CLIP3: variants seen among roughly 807,000 people sequenced by gnomAD.
CLIP3 encodes the protein CAP-Gly domain-containing linker protein 3.
In CLIP3, 15 loss-of-function variants were observed where a neutral mutation model predicts 59.4. The observed-to-expected ratio is 0.25, with a 90% CI of 0.17 to 0.39. The LOEUF is 0.39. Among genes scored for constraint, CLIP3 ranks in the 10% least tolerant of loss-of-function variants. The pLI, the probability that CLIP3 is intolerant of heterozygous loss-of-function variation, is 1.00. For missense variants in CLIP3, 495 were observed against 765.7 expected (o/e 0.65, Z 4.17); for synonymous variants, 300 against 321.6 (o/e 0.93, Z 0.72).
rs1413688171 is a variant in CLIP3, at chr19:36,017,439, G to C, written c.1463C>G (p.Ser488Cys). The change falls in exon 12 of 14, where the codon TCC (serine) becomes TGC (cysteine). Residue 488 changes from serine (S) to cysteine (C), a missense_variant. Physicochemically the swap from Ser to Cys is moderately radical, Grantham distance 112. Around this residue, in one of 5 missense-constraint regions of CLIP3, gnomAD observed 179 missense variants for 226.2 expected, o/e 0.79. Coordinates refer to ENST00000360535, the MANE Select transcript of CLIP3 (RefSeq NM_015526.3). ...PASRIQRIGG[S>C]TDSPGDSVGA... ...AACGCTGTCCCCGGGGGAATCAGTGGATCCGCCAATCCTGAGGAGACACGG... is the reference window on the plus strand; with the variant it reads ...AACGCTGTCCCCGGGGGAATCAGTGCATCCGCCAATCCTGAGGAGACACGG... 6.2e-7 allele frequency: 1 copy of C among 1,613,958 alleles called. No homozygotes were observed. Among genetic ancestry groups the C allele is most frequent in the African/African-American group, 1.3e-5 (1 of 74,898 alleles).
At chr19:36,022,857 C>T (rs1290040217) in intron 7 of CLIP3, among the ~76,000 whole-genome samples, 1 of 152,134 alleles carries the variant, frequency 6.6e-6, no homozygotes, top group African/African-American at 2.4e-5. Context: ...AGATCAAGAC[C>T]ATCCTGGCTA....
chr19:36,017,237 C>A, intron 12 of CLIP3, 149 bp downstream of exon 12: 1 of 865,090 alleles, frequency 1.2e-6, no homozygotes. Flanking sequence ...TAGCACCTAT[C>A]TTTTTGTGGA....
In CLIP3 at chr19:36,026,141, C is replaced by T. The variant is rs1969099705; in HGVS notation, c.681+6G>A. On this transcript the variant is annotated splice_donor_region_variant and intron_variant, in intron 6 of 13. Transcript: ENST00000360535. The surrounding 1 kb of genome is among the most constrained non-coding windows in gnomAD (Gnocchi z 6.3). ...GGTAACGGGTTCTGGGCAAGGGTGG[C>T]AGTACCCTCAGCGCAGGGTTGGCGC... 7 of 1,607,476 alleles carry T rather than the reference C, an allele frequency of 4.4e-6. No homozygotes were observed. The highest frequency in any genetic ancestry group is 8.5e-7 in the Non-Finnish European group (1 of 1,174,616).
At position 36,024,465 on chromosome 19, in the gene CLIP3, G is replaced by C. The variant is rs199702185; in HGVS notation, c.849C>G (p.Val283=). The C allele has an allele frequency of 4.3e-6, 7 of 1,614,248 alleles. No homozygotes were observed. The highest frequency in any genetic ancestry group is 5.9e-6 in the Non-Finnish European group (7 of 1,180,048). Residue 283 remains valine (V), a synonymous_variant, in exon 7 of 14, where the codon GTC becomes GTG. Coordinates refer to ENST00000360535, the MANE Select transcript of CLIP3 (RefSeq NM_015526.3). The part of the protein sequence containing the change: ...PKVTLPNYDN[V]PGNLMLSALG... ...GTGCGCTAAGCATGAGATTGCCTGG[G>C]ACGTTGTCATAGTTGGGTAGCGTGA...
chr19:36,019,603 A>ATTTATTTTT (rs1968901032), intron 7 of CLIP3, among the ~76,000 whole-genome samples: 1 of 122,482 alleles, frequency 8.2e-6, no homozygotes, highest in Admixed American at 9.9e-5. Context: ...TATTTATTTT[A>ATTTATTTTT]TTTATTTTTT....
Position 36,017,489 on chromosome 19 carries a change from A to G in CLIP3, c.1452-39T>C, listed in dbSNP as rs377281362. The stretch of plus-strand genomic sequence containing the variant: ...GGGAGGGGGAGAAGTCAGAGCCACA[A>G]AAGGCCAGGGTCTGACTGAGAGCTG... On this transcript the variant is annotated intron_variant, in intron 11 of 13. Coordinates refer to ENST00000360535, the MANE Select transcript of CLIP3 (RefSeq NM_015526.3). 4.9e-5 allele frequency: 79 copies of G among 1,612,164 alleles called. 1 individual carries two copies. The highest frequency in any genetic ancestry group is 2.1e-4 in the South Asian group (19 of 91,030).
Position 36,024,404 on chromosome 19 carries a change from C to T in CLIP3, c.910G>A (p.Gly304Ser). ...ACATCCCAGCCCCTGACCTTCTGGC[C>T]ATCCAGCAGCACGCGGTCTCCCAGG... ...LRLGDRVLLD[G>S]QKTGTLRFCG... The change falls in exon 7 of 14, where the codon GGC (glycine) becomes AGC (serine). Residue 304 changes from glycine to serine, a missense_variant. Transcript: ENST00000360535. 6.2e-7 allele frequency: 1 copy of T among 1,613,598 alleles called. No homozygotes were observed. Among genetic ancestry groups the T allele is most frequent in the Non-Finnish European group, 8.5e-7 (1 of 1,179,930 alleles).
intron 6 of CLIP3, among the ~76,000 whole-genome samples, chr19:36,025,167 G>T (rs1969067509): frequency 6.6e-6 from 1 of 152,112 alleles, no homozygotes; most frequent in Non-Finnish European, 1.5e-5. Context: ...AAGTAATTGA[G>T]GGTGGGCCTG....
chr19:36,023,923 C>T (rs1382234766), intron 7 of CLIP3, among the ~76,000 whole-genome samples: 1 of 152,184 alleles, frequency 6.6e-6, no homozygotes, highest in Non-Finnish European at 1.5e-5. Flanking sequence ...ACCCGCTCCC[C>T]CAAGCTGAGA....
In CLIP3 at chr19:36,026,533, C is replaced by G. The variant is rs1418539462; in HGVS notation, c.562+53G>C. 6.2e-6 allele frequency: 10 copies of G among 1,602,258 alleles called. No homozygotes were observed. The Admixed American group carries it at 1.7e-4, about 27-fold the overall frequency. On this transcript the variant is annotated intron_variant, in intron 5 of 13. Transcript: ENST00000360535. This position sits in a 1 kb window ranked among gnomAD's most constrained non-coding sequence, Gnocchi z 6.3. ...CGCAGCCTGGCCTCACCTGGGTCTC[C>G]GCGTCCCTCACCCAGGTCCTTGCCC...
chr19:36,025,045 G>A (rs1252238597), intron 6 of CLIP3, among the ~76,000 whole-genome samples: 1 of 150,788 alleles, frequency 6.6e-6, no homozygotes, highest in Non-Finnish European at 1.5e-5. Flanking sequence ...CAGCCTGGGT[G>A]ACAGAGCGAG....
Position 36,016,152 on chromosome 19 carries a change from G to C in CLIP3, c.*6C>G. ...ACTCTGTCTCTTTGTCAGGTGTCCA[G>C]GGCCTCTAAGACTGCATCTCCGCCC... On this transcript the variant is annotated 3_prime_UTR_variant, in exon 14 of 14. Coordinates refer to ENST00000360535, the MANE Select transcript of CLIP3 (RefSeq NM_015526.3). The surrounding 1 kb of genome is among the most constrained non-coding windows in gnomAD (Gnocchi z 4.1). The C allele has an allele frequency of 1.2e-6, 2 of 1,613,942 alleles. No homozygotes were observed. The highest frequency in any genetic ancestry group is 1.7e-6 in the Non-Finnish European group (2 of 1,179,900).
intron 6 of CLIP3, among the ~76,000 whole-genome samples, chr19:36,025,775 T>C (rs1036030049): frequency 6.6e-6 from 1 of 152,256 alleles, no homozygotes; most frequent in East Asian, 1.9e-4. Flanking sequence ...AGCCTGGTAA[T>C]GCATAGGTCA....
In CLIP3 at chr19:36,015,876, G is replaced by A; in HGVS notation, c.*282C>T. The A allele has an allele frequency of 1.9e-6, 1 of 514,830 alleles. No homozygotes were observed. The highest frequency in any genetic ancestry group is 3.5e-6 in the Non-Finnish European group (1 of 282,956). The allele number at this position is 514,830 out of a possible 1,614,324, so 31.9% of individuals were successfully genotyped here. ...GGGTCACCATCATTTGGGGTGATATGGAAATCTGTTAATCTGGGAATCTGC... is the reference window on the plus strand; with the variant it reads ...GGGTCACCATCATTTGGGGTGATATAGAAATCTGTTAATCTGGGAATCTGC... On this transcript the variant is annotated 3_prime_UTR_variant, in exon 14 of 14. Transcript: ENST00000360535.
chr19:36,032,254 TG>T lies in CLIP3; in HGVS notation c.103del (p.Gln35ArgfsTer62). 7.7e-7 allele frequency: 1 copy of T among 1,296,942 alleles called. No individual in the cohort carries two copies. Among genetic ancestry groups the T allele is most frequent in the Non-Finnish European group, 9.9e-7 (1 of 1,011,472 alleles). The allele number at this position is 1,296,942 out of a possible 1,614,324, so 80.3% of individuals were successfully genotyped here. A position where few individuals can be genotyped will look rare whatever the true frequency, so the allele number is the denominator to read the frequency against. ...CACAACAGGCTTCTGCCGGCGCTCCTGGGTGGGGCTGGGGGCCTCGGGGACG... is the reference window on the plus strand; with the variant it reads ...CACAACAGGCTTCTGCCGGCGCTCCTGGTGGGGCTGGGGGCCTCGGGGACG... ...EPVPEAPSPTQERRQKPVVHP... is the reference protein window; with the variant it reads ...EPVPEAPSPTXERRQKPVVHP... On this transcript the variant is annotated frameshift_variant, in exon 2 of 14. Coordinates refer to ENST00000360535, the MANE Select transcript of CLIP3 (RefSeq NM_015526.3). LOFTEE classifies it high-confidence loss of function. The surrounding 1 kb of genome is among the most constrained non-coding windows in gnomAD (Gnocchi z 4.3).
chr19:36,024,190 C>A (rs542635066), intron 7 of CLIP3, among the ~76,000 whole-genome samples: 1 of 152,188 alleles, frequency 6.6e-6, no homozygotes, highest in African/African-American at 2.4e-5. Context: ...TTGTTTCCCA[C>A]CCTGGATGGA....
chr19:36,016,022 T>C lies in CLIP3; in HGVS notation c.*136A>G, dbSNP rs1968787377. On this transcript the variant is annotated 3_prime_UTR_variant, in exon 14 of 14. Coordinates refer to ENST00000360535, the MANE Select transcript of CLIP3 (RefSeq NM_015526.3). This position sits in a 1 kb window ranked among gnomAD's most constrained non-coding sequence, Gnocchi z 4.1. Reference sequence around the variant, plus strand: ...GTATCTGTTAATAATGGGGCCTCAATGATCGAGGGCTGGCTAACAGGGGTC... The same window carrying C: ...GTATCTGTTAATAATGGGGCCTCAACGATCGAGGGCTGGCTAACAGGGGTC... 2 of 847,832 alleles carry C rather than the reference T, an allele frequency of 2.4e-6. No homozygotes were observed. The highest frequency in any genetic ancestry group is 3.9e-6 in the Non-Finnish European group (2 of 511,136). 52.5% of individuals were successfully genotyped at this position (847,832 alleles called of 1,614,324 possible).
chr19:36,027,084 T>C (rs1247565181), intron 3 of CLIP3, 39 bp from the exon 4 acceptor site: 113 of 1,596,258 alleles, frequency 7.1e-5, no homozygotes, highest in Non-Finnish European at 9.5e-5. Context: ...CACCCACACA[T>C]GTGGGGAACC....
At chr19:36,018,270 G>A (rs1286217130) in intron 9 of CLIP3, among the ~76,000 whole-genome samples, 1 of 152,134 alleles carries the variant, frequency 6.6e-6, no homozygotes, top group African/African-American at 2.4e-5. Context: ...TTAAAATGAA[G>A]GGAAAATTGG....
Sources: gnomAD v4.1 joint callset for allele counts (sites outside exome capture counted in the v4.1 genomes callset) on GRCh38, gnomAD v4.1.1 for gene constraint, gnomAD v4.1.1 regional missense constraint, Gnocchi (gnomAD v3.1) non-coding constraint, MANE v1.5 for transcripts, NCBI Gene and HGNC (gene_info 2026-07-23, HGNC 2026-07-21) for gene names.